The following SOX5 variants were observed in gnomAD, a reference collection of about 807,000 sequenced individuals.
SOX5 encodes transcription factor SOX-5.
A neutral mutation model predicts 92.0 loss-of-function variants in SOX5; 9 were observed. The observed-to-expected ratio is 0.10, with a 90% CI of 0.06 to 0.17. SOX5 has a LOEUF of 0.17. Ranked by LOEUF, SOX5 falls within the 10% of genes least tolerant of loss-of-function variation. The probability of loss-of-function intolerance (pLI) is 1.00; values close to 1 mark genes in which losing one functional copy is unlikely to be tolerated. For missense variants in SOX5, 642 were observed against 944.5 expected (o/e 0.68, Z 4.20); for synonymous variants, 344 against 336.3 (o/e 1.02, Z -0.25).
At chr12:23,664,843 A>C (rs927584838) in intron 7 of SOX5, among the ~76,000 whole-genome samples, 4 of 152,212 alleles carry the variant, frequency 2.6e-5, no homozygotes, top group East Asian at 1.9e-4. Context: ...CTGCCTTCAG[A>C]AAGTTTACAA....
chr12:24,222,776 A>T (rs1158966203), intron 3 of SOX5, among the ~76,000 whole-genome samples: 6 of 152,240 alleles, frequency 3.9e-5, no homozygotes, highest in Non-Finnish European at 5.9e-5. Flanking sequence ...AGATTATGCT[A>T]AGAAACATTT....
intron 4 of SOX5, among the ~76,000 whole-genome samples, chr12:24,136,805 T>C (rs1950148498): frequency 6.6e-6 from 1 of 152,252 alleles, no homozygotes; most frequent in Non-Finnish European, 1.5e-5. Context: ...GAATTTAGTT[T>C]GTTAGGGTTT....
chr12:23,665,687 TTGCTGGGATACTGGGCTTGAGGATA>T, intron 6 of SOX5, 123 bp from the exon 7 acceptor site: 1 of 1,129,644 alleles, frequency 8.9e-7, no homozygotes, highest in Non-Finnish European at 1.2e-6. Flanking sequence ...GCATAGAAGC[TTGCTGGGATACTGGGCTTGAGGATA>T]TGCTTTGGGA....
At chr12:23,990,067 A>G (rs976174082) in intron 4 of SOX5, among the ~76,000 whole-genome samples, 2 of 152,112 alleles carry the variant, frequency 1.3e-5, no homozygotes, top group East Asian at 3.8e-4. Flanking sequence ...AGGAGAGAGA[A>G]AAAAAGGGAA....
Position 23,738,490 on chromosome 12 carries a change from C to G in SOX5, c.741+2377G>C, listed in dbSNP as rs1396614643. 5 of 152,126 alleles carry G rather than the reference C, an allele frequency of 3.3e-5. No homozygotes were observed. The East Asian group carries it at 9.7e-4, about 29-fold the overall frequency. The allele number at this position is 152,126 out of a possible 1,614,324, so 9.4% of individuals were successfully genotyped here. A position where few individuals can be genotyped will look rare whatever the true frequency, so the allele number is the denominator to read the frequency against. On this transcript the variant is annotated intron_variant, in intron 5 of 14. Transcript: ENST00000451604. ...CTCTCAGGCTGTGGAGGCAGCACTGCAGGACATCTCTCCAATACAGGAGAG... is the reference window on the plus strand; with the variant it reads ...CTCTCAGGCTGTGGAGGCAGCACTGGAGGACATCTCTCCAATACAGGAGAG...
chr12:23,674,679 T>TA (rs1267121944), intron 6 of SOX5, among the ~76,000 whole-genome samples: 1 of 152,046 alleles, frequency 6.6e-6, no homozygotes, highest in East Asian at 1.9e-4. Flanking sequence ...TATTATGTCT[T>TA]AAGAGATTTT....
chr12:24,407,627 T>G (rs978225480), intron 1 of SOX5: 8 of 152,242 alleles, frequency 5.3e-5, no homozygotes, highest in African/African-American at 1.7e-4. Flanking sequence ...GAGATGGGGT[T>G]GACTGTCTGA....
intron 4 of SOX5, among the ~76,000 whole-genome samples, chr12:24,104,134 T>A (rs1190872406): frequency 6.6e-6 from 1 of 152,234 alleles, no homozygotes; most frequent in Non-Finnish European, 1.5e-5. Context: ...ATGTTATTGG[T>A]TGGCTCATTG....
chr12:23,725,616 G>T (rs1298466890), intron 6 of SOX5, among the ~76,000 whole-genome samples: 2 of 152,150 alleles, frequency 1.3e-5, no homozygotes, highest in African/African-American at 4.8e-5. Flanking sequence ...TGACTCTGAA[G>T]ATCAGGAGAG....
chr12:23,799,125 G>A (rs1231440642), intron 3 of SOX5, among the ~76,000 whole-genome samples: 3 of 151,918 alleles, frequency 2.0e-5, no homozygotes, highest in African/African-American at 7.2e-5. Flanking sequence ...GAAAATAAGG[G>A]AGTATTTTGG....
intron 4 of SOX5, among the ~76,000 whole-genome samples, chr12:24,172,879 A>T (rs1032356303): frequency 6.6e-6 from 1 of 152,236 alleles, no homozygotes; most frequent in Non-Finnish European, 1.5e-5. Flanking sequence ...AGGGACAAGG[A>T]TGCTAAATCT....
intron 1 of SOX5, among the ~76,000 whole-genome samples, chr12:24,501,292 C>T (rs1348094416): frequency 6.6e-6 from 1 of 151,742 alleles, no homozygotes; most frequent in Non-Finnish European, 1.5e-5. Context: ...CACAAAGATG[C>T]CCACTTGGTT....
At chr12:23,771,473 T>C (rs1002886138) in intron 3 of SOX5, among the ~76,000 whole-genome samples, 6 of 152,184 alleles carry the variant, frequency 3.9e-5, no homozygotes, top group Non-Finnish European at 8.8e-5. Flanking sequence ...CAGGTCTCAG[T>C]GTTCCTGGCT....
intron 1 of SOX5, among the ~76,000 whole-genome samples, chr12:23,897,753 G>A (rs764551916): frequency 2.0e-5 from 3 of 152,066 alleles, no homozygotes; most frequent in Middle Eastern, 3.2e-3. Context: ...ACAGTAAACC[G>A]ATCAGATGTA....
At chr12:23,838,211 T>C (rs1469332803) in intron 3 of SOX5, among the ~76,000 whole-genome samples, 1 of 146,232 alleles carries the variant, frequency 6.8e-6, no homozygotes, top group African/African-American at 2.5e-5. Flanking sequence ...ATACCCATTT[T>C]TCTTTCTTTG....
At chr12:23,791,103 G>C (rs1209325499) in intron 3 of SOX5, among the ~76,000 whole-genome samples, 1 of 152,148 alleles carries the variant, frequency 6.6e-6, no homozygotes, top group African/African-American at 2.4e-5. Context: ...ATGAAGACTT[G>C]TTAATTACAC....
intron 4 of SOX5, among the ~76,000 whole-genome samples, chr12:24,200,001 T>A (rs1957362330): frequency 6.6e-6 from 1 of 152,168 alleles, no homozygotes; most frequent in Non-Finnish European, 1.5e-5. Context: ...ATTCATTTAT[T>A]AGTTTTAAAG....
rs140352480 is a variant in SOX5, at chr12:24,359,357, C to T, written c.-174+9206G>A. ...GAGGGCCTTGATGCTCCGGTCTTGCCGTTATCTGATGGATGAGTTAGGACA... is the reference window on the plus strand; with the variant it reads ...GAGGGCCTTGATGCTCCGGTCTTGCTGTTATCTGATGGATGAGTTAGGACA... On this transcript the variant is annotated intron_variant, in intron 2 of 4. Coordinates refer to the SOX5 transcript ENST00000446891. Among the ~76,000 whole-genome samples the T allele has an allele frequency of 7.8e-3, 1,188 of 152,254 alleles. 13 individuals carry two copies. The highest frequency in any genetic ancestry group is 0.027 in the African/African-American group (1,110 of 41,530).
chr12:23,970,843 T>A lies in SOX5; in HGVS notation c.-1-74819A>T, dbSNP rs866478143. On this transcript the variant is annotated intron_variant, in intron 4 of 4. Coordinates refer to the SOX5 transcript ENST00000446891. ...ATGGGACTTTATATATATATATAAT[T>A]TTTTTTTTTTTTTAAGAAATGGGCT... 6.6e-3 allele frequency among the ~76,000 whole-genome samples: 642 copies of A among 97,368 alleles called. 137 individuals carry two copies. Among genetic ancestry groups the A allele is most frequent in the African/African-American group, 0.023 (602 of 26,120 alleles). The allele number at this position is 97,368 out of a possible 152,430, so 63.9% of individuals were successfully genotyped here.
Sources: allele counts gnomAD v4.1 joint callset (sites outside exome capture counted in the v4.1 genomes callset), GRCh38; gene constraint gnomAD v4.1.1; transcripts MANE v1.5; gene names NCBI Gene and HGNC (gene_info 2026-07-23, HGNC 2026-07-21).